Variants in HEATR5A observed in about 807,000 individuals in gnomAD.
The protein encoded by HEATR5A is HEAT repeat containing 5A, also known as HEAT repeat-containing protein 5A.
A neutral mutation model predicts 218.8 loss-of-function variants in HEATR5A; 178 were observed. That is an observed-to-expected ratio of 0.81 (90% CI 0.72 to 0.92). HEATR5A has a LOEUF of 0.92. HEATR5A is among the 40% of genes least tolerant of loss of function. HEATR5A has a pLI of 0.00. For missense variants in HEATR5A, 2,420 were observed against 2,418.9 expected (o/e 1.00, Z -0.01); for synonymous variants, 864 against 871.6 (o/e 0.99, Z 0.15).
At chr14:31,314,680 C>A (rs763746463) in intron 27 of HEATR5A, among the ~76,000 whole-genome samples, 6 of 152,164 alleles carry the variant, frequency 3.9e-5, no homozygotes, top group Non-Finnish European at 8.8e-5. Context: ...GGATTACAAG[C>A]ATGAGCCACT....
intron 1 of HEATR5A, among the ~76,000 whole-genome samples, chr14:31,412,122 C>T (rs1044530395): frequency 2.0e-5 from 3 of 152,018 alleles, no homozygotes; most frequent in Non-Finnish European, 2.9e-5. Context: ...TCCCAAAGTG[C>T]TGGGATTACA....
chr14:31,386,526 A>G lies in HEATR5A; in HGVS notation c.1239T>C (p.Asp413=). ...GNLETRLGST[D]VAASQHMLVC... is the part of the protein sequence containing the mutation. ...CCAGCATATGTTGGCTAGCGGCTAC[A>G]TCTGTGGAACCAAGCCGGGTTTCCA... is the stretch of plus-strand genomic sequence containing the variant. The change falls in exon 9 of 36, where the codon GAT becomes GAC. Residue 413 remains aspartate (D), a synonymous_variant. Transcript: ENST00000543095. 13 of 1,605,848 alleles carry G rather than the reference A, an allele frequency of 8.1e-6. No individual in the cohort carries two copies. Among genetic ancestry groups the G allele is most frequent in the Non-Finnish European group, 1.1e-5 (13 of 1,177,484 alleles).
chr14:31,412,625 C>T (rs1427955719), intron 1 of HEATR5A, among the ~76,000 whole-genome samples: 2 of 152,034 alleles, frequency 1.3e-5, no homozygotes, highest in Non-Finnish European at 2.9e-5. Flanking sequence ...TGCAGTGGCT[C>T]ACGCCTGTTA....
chr14:31,389,190 A>T (rs2030353626), intron 6 of HEATR5A, among the ~76,000 whole-genome samples, 185 bp from the exon 7 acceptor site: 1 of 152,350 alleles, frequency 6.6e-6, no homozygotes, highest in East Asian at 1.9e-4. Flanking sequence ...GTCAAATCAG[A>T]ATGGACCCTG....
In HEATR5A at chr14:31,358,690, A is replaced by G. The variant is rs1320707508; in HGVS notation, c.2358T>C (p.Ser786=). The G allele has an allele frequency of 1.2e-6, 2 of 1,613,958 alleles. No homozygotes were observed. The highest frequency in any genetic ancestry group is 1.6e-4 in the Middle Eastern group (1 of 6,062). The change falls in exon 16 of 36, where the codon AGT becomes AGC. Residue 786 remains serine (S), a synonymous_variant. Coordinates refer to ENST00000543095, the MANE Select transcript of HEATR5A (RefSeq NM_015473.4). ...KPLPPALSVI[S]SASKLFGVVC... is the part of the protein sequence containing the mutation. ...CAACCCCAAAGAGCTTGGATGCAGA[A>G]CTAATAACTGATAGTGCTGGAGGTA... is the stretch of plus-strand genomic sequence containing the variant.
At chr14:31,399,232 T>C (rs2030778739) in intron 3 of HEATR5A, among the ~76,000 whole-genome samples, 1 of 152,208 alleles carries the variant, frequency 6.6e-6, no homozygotes, top group South Asian at 2.1e-4. Flanking sequence ...TAAGAATCTA[T>C]TCTGTGGTTA....
At chr14:31,337,977 T>A (rs1566759764) in intron 21 of HEATR5A, among the ~76,000 whole-genome samples, 1 of 152,204 alleles carries the variant, frequency 6.6e-6, no homozygotes, top group East Asian at 1.9e-4. Context: ...GCAACTATAT[T>A]ATAATGTTTT....
chr14:31,344,614 T>C (rs1900964427), intron 20 of HEATR5A, among the ~76,000 whole-genome samples: 1 of 151,572 alleles, frequency 6.6e-6, no homozygotes, highest in Non-Finnish European at 1.5e-5. Flanking sequence ...GAAAAGTTTA[T>C]TACAACACAA....
At chr14:31,306,133 TTAAC>T (rs1462608236) in intron 31 of HEATR5A, among the ~76,000 whole-genome samples, 2 of 152,194 alleles carry the variant, frequency 1.3e-5, no homozygotes. Flanking sequence ...GAATAGTAAT[TTAAC>T]TACTGACAAT....
intron 16 of HEATR5A, among the ~76,000 whole-genome samples, chr14:31,351,135 G>A (rs1018125154): frequency 6.6e-6 from 1 of 152,176 alleles, no homozygotes; most frequent in African/African-American, 2.4e-5. Flanking sequence ...TGCAGTAATT[G>A]TAAGCATGAG....
chr14:31,306,386 G>A (rs145578565), intron 31 of HEATR5A, among the ~76,000 whole-genome samples: 1,678 of 152,306 alleles, frequency 0.011, 29 homozygotes, highest in African/African-American at 0.038. Context: ...AGGAGGCTAA[G>A]GTGGGAGAAT....
At chr14:31,344,984 ACATACAGCACCTATCACGTGCCAAG>A in intron 20 of HEATR5A, 78 bp downstream of exon 20, 1 of 917,662 alleles carries the variant, frequency 1.1e-6, no homozygotes, top group Non-Finnish European at 1.7e-6. Context: ...ATTTAACAAA[ACATACAGCACCTATCACGTGCCAAG>A]CATACAGACT....
chr14:31,350,490 A>C (rs1458003107), intron 17 of HEATR5A, 122 bp downstream of exon 17: 1 of 624,996 alleles, frequency 1.6e-6, no homozygotes, highest in East Asian at 2.8e-5. Context: ...CTTTTCATCA[A>C]GAGATTAAGA....
intron 21 of HEATR5A, among the ~76,000 whole-genome samples, chr14:31,340,892 C>G (rs143188593): frequency 2.0e-5 from 3 of 152,248 alleles, no homozygotes; most frequent in Non-Finnish European, 4.4e-5. Context: ...TATAGTTTAA[C>G]TCTTAGAAGC....
At chr14:31,302,987 C>T (rs1487964475) in intron 32 of HEATR5A, among the ~76,000 whole-genome samples, 1 of 150,118 alleles carries the variant, frequency 6.7e-6, no homozygotes, top group Non-Finnish European at 1.5e-5. Context: ...TGGTGTGCGC[C>T]TGTGGTCCCA....
intron 14 of HEATR5A, among the ~76,000 whole-genome samples, chr14:31,362,661 G>A (rs1566768526): frequency 7.0e-6 from 1 of 142,812 alleles, no homozygotes; most frequent in Non-Finnish European, 1.5e-5. Flanking sequence ...TACACCTGCA[G>A]TCCCAGCTAC....
intron 33 of HEATR5A, among the ~76,000 whole-genome samples, chr14:31,301,396 C>T (rs1899368102): frequency 6.6e-6 from 1 of 152,116 alleles, no homozygotes; most frequent in Admixed American, 6.5e-5. Context: ...GCTAGGATTA[C>T]AGGTGTGAGC....
Position 31,395,227 on chromosome 14 carries a change from GATCT to G in HEATR5A, c.565_568del (p.Arg189ProfsTer53). The G allele has an allele frequency of 6.5e-7, 1 of 1,532,708 alleles. No homozygotes were observed. 94.9% of individuals were successfully genotyped at this position (1,532,708 alleles called of 1,614,324 possible). On this transcript the variant is annotated frameshift_variant, in exon 5 of 36. Coordinates refer to ENST00000543095, the MANE Select transcript of HEATR5A (RefSeq NM_015473.4). LOFTEE classifies it high-confidence loss of function. ...TGCAGCAGCACAACGAACAGCCATG[GATCT>G]ATCTGTCAAGCAGGATCTAGCAGCT...
intron 11 of HEATR5A, among the ~76,000 whole-genome samples, chr14:31,376,882 T>G (rs1902247211): frequency 6.6e-6 from 1 of 152,164 alleles, no homozygotes; most frequent in Admixed American, 6.6e-5. Flanking sequence ...TCAAGCACTT[T>G]GGAAGGGCAA....
Sources: gnomAD v4.1 joint callset for allele counts (sites outside exome capture counted in the v4.1 genomes callset) on GRCh38, gnomAD v4.1.1 for gene constraint, MANE v1.5 for transcripts, NCBI Gene and HGNC (gene_info 2026-07-23, HGNC 2026-07-21) for gene names.